AOX1: variants seen among roughly 807,000 people sequenced by gnomAD.
AOX1 encodes the protein aldehyde oxidase 1.
Under a neutral mutation model 169.5 loss-of-function variants are expected in AOX1, and 153 were observed. The observed-to-expected ratio is 0.90, with a 90% CI of 0.79 to 1.03. The LOEUF is 1.03. Among genes scored for constraint, AOX1 ranks in the 50% least tolerant of loss-of-function variants. AOX1 has a pLI of 0.00. For synonymous variants in AOX1, 562 were observed against 581.9 expected (o/e 0.97, Z 0.49); for missense variants, 1,656 against 1,663.9 (o/e 1.00, Z 0.08).
At chr2:200,676,362 G>A (rs1313601460), downstream of AOX1, among the ~76,000 whole-genome samples, 1 of 152,080 alleles carries the variant, frequency 6.6e-6, no homozygotes, top group African/African-American at 2.4e-5. Context: ...CACTTTGGGA[G>A]GCCGAGGTGG....
chr2:200,655,213 C>T (rs1227970249), intron 26 of AOX1, among the ~76,000 whole-genome samples: 5 of 152,138 alleles, frequency 3.3e-5, no homozygotes, highest in Non-Finnish European at 5.9e-5. Context: ...TGTTGCATTC[C>T]GAGAGATTCC....
Position 200,656,896 on chromosome 2 carries a change from G to A in AOX1, c.3130G>A (p.Gly1044Arg), listed in dbSNP as rs968345922. Residue 1044 changes from glycine (G) to arginine (R), a missense_variant, in exon 27 of 35, where the codon GGA becomes AGA. Gly to Arg is a moderately radical substitution (Grantham distance 125). Transcript: ENST00000374700. ...TGGCTCTGTGCTGGTCACTCACGGT[G>A]GAATTGAAATGGGGCAGGGGGTCCA... The part of the protein sequence containing the change: ...LDGSVLVTHG[G>R]IEMGQGVHTK... 2.5e-6 allele frequency: 4 copies of A among 1,585,696 alleles called. No homozygotes were observed. The highest frequency in any genetic ancestry group is 1.4e-5 in the African/African-American group (1 of 73,952).
rs772332559 is a variant in AOX1 at position 200,651,023 on chromosome 2, A to C, written c.2897A>C (p.Gln966Pro). ...YKEIDQTPYK[Q>P]EINAKNLIQC... is the part of the protein sequence containing the mutation. ...GAAATTGATCAAACACCCTACAAAC[A>C]AGAGATCAATGCCAAGAACCTAATC... is the stretch of plus-strand genomic sequence containing the variant. The change falls in exon 26 of 35, where the codon CAA (glutamine) becomes CCA (proline). Residue 966 changes from glutamine (Q) to proline (P), a missense_variant. Physicochemically the swap from Gln to Pro is moderately conservative, Grantham distance 76. Transcript: ENST00000374700. The C allele has an allele frequency of 1.2e-6, 2 of 1,614,224 alleles. No homozygotes were observed. The highest frequency in any genetic ancestry group is 2.2e-5 in the South Asian group (2 of 91,076).
chr2:200,620,680 C>T lies in AOX1; in HGVS notation c.1735C>T (p.Pro579Ser). 2 of 1,562,408 alleles carry T rather than the reference C, an allele frequency of 1.3e-6. No homozygotes were observed. Among genetic ancestry groups the T allele is most frequent in the South Asian group, 1.3e-5 (1 of 78,554 alleles). The change falls in exon 17 of 35, where the codon CCA becomes TCA. Residue 579 changes from proline to serine, a missense_variant. Physicochemically the swap from Pro to Ser is moderately conservative, Grantham distance 74. Coordinates refer to ENST00000374700, the MANE Select transcript of AOX1 (RefSeq NM_001159.4). ...AGGCCCAAAGCAGCATCCTGAAGAC[C>T]CAATTGGCCACCCCATCATGCATCT... ...NIGPKQHPED[P>S]IGHPIMHLSG...
At chr2:200,619,033 A>G (rs2034826408) in intron 16 of AOX1, among the ~76,000 whole-genome samples, 1 of 152,212 alleles carries the variant, frequency 6.6e-6, no homozygotes. Context: ...TATCTAACTT[A>G]TTGTTCATAT....
intron 20 of AOX1, among the ~76,000 whole-genome samples, chr2:200,627,661 G>A (rs1234348803): frequency 6.6e-6 from 1 of 152,076 alleles, no homozygotes; most frequent in Non-Finnish European, 1.5e-5. Flanking sequence ...GCAAGACCCT[G>A]CCCCTCTTCC....
intron 4 of AOX1, among the ~76,000 whole-genome samples, chr2:200,599,289 T>C (rs1270324312): frequency 6.6e-6 from 1 of 152,226 alleles, no homozygotes; most frequent in Non-Finnish European, 1.5e-5. Flanking sequence ...TGGGAATCTT[T>C]AAAAGATGTA....
intron 19 of AOX1, among the ~76,000 whole-genome samples, chr2:200,624,537 A>G (rs2034961882): frequency 6.6e-6 from 1 of 152,154 alleles, no homozygotes; most frequent in African/African-American, 2.4e-5. Context: ...AAGTGGATCC[A>G]CTCTATGACT....
In AOX1 at chr2:200,602,306, A is replaced by G. The variant is rs2034431341; in HGVS notation, c.459A>G (p.Gly153=). 6.2e-7 allele frequency: 1 copy of G among 1,613,862 alleles called. No homozygotes were observed. The highest frequency in any genetic ancestry group is 1.3e-5 in the African/African-American group (1 of 74,900). The part of the protein sequence containing the change: ...ALGGNLCRCT[G]YRPIIDACKT... ...CAGGTAACCTGTGCCGTTGCACTGGATACAGGCCCATAATTGATGCATGCA... is the reference window on the plus strand; with the variant it reads ...CAGGTAACCTGTGCCGTTGCACTGGGTACAGGCCCATAATTGATGCATGCA... The change falls in exon 6 of 35, where the codon GGA becomes GGG. Residue 153 remains glycine, a synonymous_variant. Transcript: ENST00000374700.
chr2:200,630,549 AGG>A (rs1480274797), intron 20 of AOX1, among the ~76,000 whole-genome samples: 1 of 2,718 alleles, frequency 3.7e-4, no homozygotes, highest in African/African-American at 7.4e-4. Context: ...GAAGGAAGGG[AGG>A]AAGGAAGGAA....
At chr2:200,607,415 A>G (rs758390111) in intron 10 of AOX1, among the ~76,000 whole-genome samples, 8 of 152,190 alleles carry the variant, frequency 5.3e-5, no homozygotes, top group Non-Finnish European at 1.2e-4. Context: ...AACCACACTG[A>G]GATACCATCT....
At chr2:200,635,176 TATTAATAGCCA>T (rs1450777642) in intron 21 of AOX1, among the ~76,000 whole-genome samples, 3 of 152,134 alleles carry the variant, frequency 2.0e-5, no homozygotes, top group African/African-American at 7.2e-5. Context: ...AAATATTGAG[TATTAATAGCCA>T]TATTGATTTC....
chr2:200,595,877 C>A (rs1226719487), intron 3 of AOX1, among the ~76,000 whole-genome samples: 2 of 152,198 alleles, frequency 1.3e-5, no homozygotes, highest in East Asian at 1.9e-4. Context: ...GCCAGAGTGA[C>A]CTGCTTTAAT....
rs1559233970 is a variant in AOX1 at position 200,604,052 on chromosome 2, G to A, written c.624G>A (p.Leu208=). ...AACTCTTCGCAGAAGAGGAGTTTCT[G>A]CCATTGGATCCAACCCAGGAACTGA... ...SPKLFAEEEF[L]PLDPTQELIF... The change falls in exon 8 of 35, where the codon CTG becomes CTA. Residue 208 remains leucine, a synonymous_variant. Coordinates refer to ENST00000374700, the MANE Select transcript of AOX1 (RefSeq NM_001159.4). The A allele has an allele frequency of 6.2e-7, 1 of 1,613,610 alleles. No homozygotes were observed. The highest frequency in any genetic ancestry group is 2.2e-5 in the East Asian group (1 of 44,878).
At chr2:200,613,717 A>T in intron 14 of AOX1, 87 bp from the exon 15 acceptor site, 1 of 1,324,506 alleles carries the variant, frequency 7.5e-7, no homozygotes, top group Non-Finnish European at 1.0e-6. Context: ...TCCTGTATTA[A>T]ACTATGGCTA....
intron 16 of AOX1, 69 bp from the exon 17 acceptor site, chr2:200,620,581 T>G: frequency 7.6e-7 from 1 of 1,320,642 alleles, no homozygotes; most frequent in South Asian, 1.8e-5. Context: ...TTATGGGAAA[T>G]GTGCATAATA....
intron 26 of AOX1, 26 bp downstream of exon 26, chr2:200,651,227 A>T (rs1249065867): frequency 1.9e-6 from 3 of 1,601,534 alleles, no homozygotes; most frequent in South Asian, 2.2e-5. Flanking sequence ...GCACATGAGG[A>T]TGCTGCCTGG....
At chr2:200,656,699 C>T in intron 26 of AOX1, 143 bp from the exon 27 acceptor site, 1 of 473,068 alleles carries the variant, frequency 2.1e-6, no homozygotes. Flanking sequence ...TCCCCCACCC[C>T]AAAAAGAAAC....
chr2:200,669,745 A>G lies in AOX1; in HGVS notation c.3966+3A>G. 1 of 1,609,708 alleles carries G rather than the reference A, an allele frequency of 6.2e-7. No individual in the cohort carries two copies. Among genetic ancestry groups the G allele is most frequent in the South Asian group, 1.1e-5 (1 of 90,044 alleles). ...GTGAAGACAAGTTCACAAAAATGGT[A>G]CGTTTGCATGGTAGAAAAAAAATAG... On this transcript the variant is annotated splice_donor_region_variant and intron_variant, in intron 34 of 34. Transcript: ENST00000374700.
Sources: gnomAD v4.1 joint callset for allele counts (sites outside exome capture counted in the v4.1 genomes callset) on GRCh38, gnomAD v4.1.1 for gene constraint, MANE v1.5 for transcripts, NCBI Gene and HGNC (gene_info 2026-07-23, HGNC 2026-07-21) for gene names.